The following LHFPL3 variants were observed in gnomAD, a reference collection of about 807,000 sequenced individuals.
The protein encoded by LHFPL3 is LHFPL tetraspan subfamily member 3, also known as LHFPL tetraspan subfamily member 3 protein.
In LHFPL3, 5 loss-of-function variants were observed where a neutral mutation model predicts 19.3. That is an observed-to-expected ratio of 0.26 (90% CI 0.14 to 0.54). The LOEUF (loss-of-function observed/expected upper bound fraction) is 0.54. Ranked by LOEUF, LHFPL3 falls within the 20% of genes least tolerant of loss-of-function variation. The probability of loss-of-function intolerance (pLI) is 0.94; values close to 1 mark genes in which losing one functional copy is unlikely to be tolerated. For synonymous variants in LHFPL3, 133 were observed against 126.2 expected, an observed-to-expected ratio of 1.05 and a Z score of -0.36; for missense variants, 249 against 307.4, an observed-to-expected ratio of 0.81 and a Z score of 1.42.
At chr7:104,679,838 G>T (rs752152496) in intron 1 of LHFPL3, among the ~76,000 whole-genome samples, 2 of 152,146 alleles carry the variant, frequency 1.3e-5, no homozygotes, top group Non-Finnish European at 2.9e-5. Context: ...AACTCAGGTG[G>T]TCTCTTCACT....
intron 2 of LHFPL3, among the ~76,000 whole-genome samples, chr7:104,813,214 G>T (rs182906874): frequency 6.6e-6 from 1 of 152,122 alleles, no homozygotes; most frequent in African/African-American, 2.4e-5. Context: ...GAAGGTCAAG[G>T]CTGCAGTGAG....
chr7:104,813,639 A>T (rs1032375917), intron 2 of LHFPL3, among the ~76,000 whole-genome samples: 6 of 152,160 alleles, frequency 3.9e-5, no homozygotes, highest in African/African-American at 1.4e-4. Context: ...ACAGTCAGAC[A>T]TGCTGGCTGC....
chr7:104,768,370 A>C (rs1391656390), intron 2 of LHFPL3, among the ~76,000 whole-genome samples: 1 of 152,048 alleles, frequency 6.6e-6, no homozygotes, highest in Non-Finnish European at 1.5e-5. Context: ...AACCGACATC[A>C]CACTCCCATC....
chr7:104,494,075 C>T (rs1244129036), intron 1 of LHFPL3, among the ~76,000 whole-genome samples: 2 of 152,100 alleles, frequency 1.3e-5, no homozygotes, highest in African/African-American at 4.8e-5. Context: ...GCATATATGG[C>T]TTTAAATATA....
chr7:104,766,253 A>G (rs1432509574), intron 2 of LHFPL3, among the ~76,000 whole-genome samples: 1 of 152,164 alleles, frequency 6.6e-6, no homozygotes, highest in East Asian at 1.9e-4. Flanking sequence ...CAAAAACTAA[A>G]TCGTATTGAC....
At chr7:104,902,064 G>A (rs1562830811) in intron 2 of LHFPL3, among the ~76,000 whole-genome samples, 1 of 152,056 alleles carries the variant, frequency 6.6e-6, no homozygotes, top group South Asian at 2.1e-4. Context: ...CAGTCCCAGA[G>A]TTGACAATAC....
chr7:104,541,310 T>C (rs1269795420), intron 1 of LHFPL3, among the ~76,000 whole-genome samples: 4 of 152,108 alleles, frequency 2.6e-5, no homozygotes, highest in Admixed American at 6.6e-5. Context: ...TCTCTTCCAT[T>C]AAAATGTAAA....
chr7:104,869,985 A>G (rs1467898647), intron 2 of LHFPL3, among the ~76,000 whole-genome samples: 3 of 152,008 alleles, frequency 2.0e-5, no homozygotes, highest in Non-Finnish European at 4.4e-5. Flanking sequence ...GCAAACTATC[A>G]CAAGGACAAA....
chr7:104,828,772 C>T (rs988661281), intron 2 of LHFPL3, among the ~76,000 whole-genome samples: 2 of 151,986 alleles, frequency 1.3e-5, no homozygotes, highest in Non-Finnish European at 1.5e-5. Flanking sequence ...CAGTGGCTCA[C>T]GCCTGTAACC....
chr7:104,853,166 C>T (rs1791443329), intron 2 of LHFPL3, among the ~76,000 whole-genome samples: 2 of 152,232 alleles, frequency 1.3e-5, no homozygotes, highest in East Asian at 1.9e-4. Flanking sequence ...CACCTCGATC[C>T]AGTTACCTAG....
intron 1 of LHFPL3, among the ~76,000 whole-genome samples, chr7:104,671,089 G>C (rs1292730084): frequency 6.6e-6 from 1 of 152,022 alleles, no homozygotes; most frequent in Non-Finnish European, 1.5e-5. Context: ...CAGCCATGCA[G>C]GGGTGTTGGT....
At chr7:104,374,923 G>A (rs1474678069) in intron 1 of LHFPL3, among the ~76,000 whole-genome samples, 6 of 152,184 alleles carry the variant, frequency 3.9e-5, no homozygotes, top group South Asian at 2.1e-4. Flanking sequence ...CAGCAGAATG[G>A]TCTGACTTCC....
At chr7:104,537,870 A>C (rs1794417701) in intron 1 of LHFPL3, among the ~76,000 whole-genome samples, 1 of 152,214 alleles carries the variant, frequency 6.6e-6, no homozygotes, top group South Asian at 2.1e-4. Flanking sequence ...CCTGCGCATA[A>C]AGAAATGATT....
chr7:104,561,276 G>T (rs1235684139), intron 1 of LHFPL3, among the ~76,000 whole-genome samples: 6 of 148,952 alleles, frequency 4.0e-5, no homozygotes, highest in Non-Finnish European at 1.5e-5. Context: ...AATGTTGACA[G>T]TGGGGTGTTA....
chr7:104,393,227 A>C (rs908543356), intron 1 of LHFPL3, among the ~76,000 whole-genome samples: 1 of 152,200 alleles, frequency 6.6e-6, no homozygotes, highest in Non-Finnish European at 1.5e-5. Context: ...GTAATGTAAG[A>C]TGATGAAGCA....
intron 2 of LHFPL3, among the ~76,000 whole-genome samples, chr7:104,880,890 G>T (rs1359966253): frequency 6.6e-6 from 1 of 152,142 alleles, no homozygotes; most frequent in Non-Finnish European, 1.5e-5. Flanking sequence ...ACTTTGTGTG[G>T]CCAGGCGCGG....
At chr7:104,726,961 T>G (rs1793602889) in intron 1 of LHFPL3, among the ~76,000 whole-genome samples, 1 of 152,148 alleles carries the variant, frequency 6.6e-6, no homozygotes, top group South Asian at 2.1e-4. Flanking sequence ...AGTGTAAAAG[T>G]GTTCCTATTT....
At chr7:104,378,814 T>C (rs977033071) in intron 1 of LHFPL3, among the ~76,000 whole-genome samples, 5 of 152,336 alleles carry the variant, frequency 3.3e-5, no homozygotes, top group African/African-American at 1.2e-4. Flanking sequence ...GAAGTGTCTT[T>C]TCAACTCTTT....
intron 1 of LHFPL3, among the ~76,000 whole-genome samples, chr7:104,638,996 C>T (rs1388104429): frequency 1.3e-5 from 2 of 151,864 alleles, no homozygotes; most frequent in African/African-American, 4.8e-5. Flanking sequence ...AACTCCTGAG[C>T]TCAAGTGATC....
Sources: gnomAD v4.1 joint callset for allele counts (sites outside exome capture counted in the v4.1 genomes callset) on GRCh38, gnomAD v4.1.1 for gene constraint, MANE v1.5 for transcripts, NCBI Gene and HGNC (gene_info 2026-07-23, HGNC 2026-07-21) for gene names.